Variants in DENND11 observed in about 807,000 individuals in gnomAD.
DENND11 encodes the protein DENN domain-containing protein 11.
Under a neutral mutation model 49.2 loss-of-function variants are expected in DENND11, and 34 were observed. The ratio of observed to expected loss-of-function variants is 0.69; its 90% confidence interval spans 0.53 to 0.92. The LOEUF (loss-of-function observed/expected upper bound fraction) is 0.92, where lower values mean the gene tolerates loss of function less well. Ranked by LOEUF, DENND11 falls within the 40% of genes least tolerant of loss-of-function variation. The probability of loss-of-function intolerance (pLI) is 0.00; values close to 1 mark genes in which losing one functional copy is unlikely to be tolerated. For missense variants in DENND11, 475 were observed against 581.6 expected, an observed-to-expected ratio of 0.82 and a Z score of 1.88; for synonymous variants, 238 against 230.3, an observed-to-expected ratio of 1.03 and a Z score of -0.30.
intron 1 of DENND11, among the ~76,000 whole-genome samples, chr7:141,691,591 C>T (rs919631678): frequency 2.6e-5 from 4 of 152,210 alleles, no homozygotes; most frequent in Non-Finnish European, 5.9e-5. Flanking sequence ...ACATCCTTCA[C>T]TCCTAGGTGG....
Position 141,662,766 on chromosome 7 carries a change from C to T in DENND11, c.1258G>A (p.Ala420Thr). ...SQDKTLTAEH[A>T]RGMGLDPQGD... ...TGGGGGTCTAGGCCCATGCCCCGGG[C>T]ATGCTCTGCTGTCAGAGTTTTGTCT... is the stretch of plus-strand genomic sequence containing the variant. Residue 420 changes from alanine (A) to threonine (T), a missense_variant, in exon 9 of 9, where the codon GCC becomes ACC. Transcript: ENST00000536163. 2 of 1,609,422 alleles carry T rather than the reference C, an allele frequency of 1.2e-6. No individual in the cohort carries two copies. Among genetic ancestry groups the T allele is most frequent in the Non-Finnish European group, 1.7e-6 (2 of 1,177,928 alleles).
intron 3 of DENND11, 26 bp from the exon 4 acceptor site, chr7:141,674,246 C>T (rs1798031645): frequency 6.6e-7 from 1 of 1,521,260 alleles, no homozygotes; most frequent in Admixed American, 2.0e-5. Context: ...CACACACACA[C>T]ACACACACAC....
At chr7:141,695,352 T>C (rs1200157475) in intron 1 of DENND11, among the ~76,000 whole-genome samples, 3 of 152,026 alleles carry the variant, frequency 2.0e-5, no homozygotes, top group Non-Finnish European at 4.4e-5. Flanking sequence ...ATTGAAATAA[T>C]AGCAATGTGA....
At chr7:141,687,146 C>T (rs1256178737) in intron 1 of DENND11, among the ~76,000 whole-genome samples, 1 of 152,184 alleles carries the variant, frequency 6.6e-6, no homozygotes, top group Non-Finnish European at 1.5e-5. Flanking sequence ...AAACATTTCT[C>T]CTCTTTTTCC....
At chr7:141,686,105 G>A (rs564000358) in intron 2 of DENND11, among the ~76,000 whole-genome samples, 1 of 152,302 alleles carries the variant, frequency 6.6e-6, no homozygotes, top group South Asian at 2.1e-4. Flanking sequence ...CCCATGAGGA[G>A]ATTAAAGCCA....
intron 3 of DENND11, 46 bp from the exon 4 acceptor site, chr7:141,674,266 A>G (rs1317261303): frequency 6.7e-7 from 1 of 1,494,226 alleles, no homozygotes; most frequent in East Asian, 2.5e-5. Flanking sequence ...CACAGTGAGA[A>G]CAGCCCTGGT....
At chr7:141,671,692 G>A (rs1009054740) in intron 4 of DENND11, among the ~76,000 whole-genome samples, 1 of 152,126 alleles carries the variant, frequency 6.6e-6, no homozygotes, top group African/African-American at 2.4e-5. Context: ...GTACATTTAG[G>A]TCAGATGCTG....
chr7:141,688,146 G>C (rs1267054610), intron 1 of DENND11, among the ~76,000 whole-genome samples: 1 of 152,202 alleles, frequency 6.6e-6, no homozygotes. Context: ...CACAATAGCA[G>C]TGTTATCTAG....
intron 4 of DENND11, among the ~76,000 whole-genome samples, chr7:141,673,834 T>C (rs1038075004): frequency 6.6e-6 from 1 of 152,230 alleles, no homozygotes; most frequent in Admixed American, 6.5e-5. Context: ...AACTGGCCTA[T>C]CACACACGCC....
Position 141,674,066 on chromosome 7 carries a change from C to T in DENND11, c.681+1G>A. 6.2e-7 allele frequency: 1 copy of T among 1,605,350 alleles called. No homozygotes were observed. The highest frequency in any genetic ancestry group is 8.5e-7 in the Non-Finnish European group (1 of 1,176,134). On this transcript the variant is annotated splice_donor_variant, in intron 4 of 8. Coordinates refer to ENST00000536163, the MANE Select transcript of DENND11 (RefSeq NM_001080392.2). LOFTEE classifies it high-confidence loss of function. Reference sequence around the variant, plus strand: ...TGTAAGAAAAGCAGGGCTAACCTCACCTTCATCTCAGGGTACATGTATCGG... The same window carrying T: ...TGTAAGAAAAGCAGGGCTAACCTCATCTTCATCTCAGGGTACATGTATCGG...
chr7:141,673,140 G>C (rs1798008401), intron 4 of DENND11, among the ~76,000 whole-genome samples: 1 of 152,028 alleles, frequency 6.6e-6, no homozygotes, highest in Admixed American at 6.6e-5. Flanking sequence ...TGTGGCACTA[G>C]ACCTCTGTTT....
chr7:141,688,324 C>A (rs1798276148), intron 1 of DENND11, among the ~76,000 whole-genome samples: 1 of 152,184 alleles, frequency 6.6e-6, no homozygotes, highest in African/African-American at 2.4e-5. Context: ...ATGATCCCAG[C>A]CAAACAACGC....
chr7:141,662,816 G>A lies in DENND11; in HGVS notation c.1208C>T (p.Thr403Ile), dbSNP rs1231308543. 1 of 1,584,970 alleles carries A rather than the reference G, an allele frequency of 6.3e-7. No homozygotes were observed. The highest frequency in any genetic ancestry group is 1.8e-5 in the Admixed American group (1 of 55,282). ...TTGACTGGCAGACACCTCCAACAAA[G>A]TCTGAAATATCCGGTTGTTTTGTTC... ...FLEQNNRIFQ[T>I]LLEVSASQDK... The change falls in exon 9 of 9, where the codon ACT becomes ATT. Residue 403 changes from threonine to isoleucine, a missense_variant. By Grantham distance (89) the Thr-to-Ile change is moderately conservative (BLOSUM62 -1). Coordinates refer to ENST00000536163, the MANE Select transcript of DENND11 (RefSeq NM_001080392.2).
intron 4 of DENND11, among the ~76,000 whole-genome samples, chr7:141,671,705 C>G (rs752006476): frequency 6.6e-6 from 1 of 152,182 alleles, no homozygotes; most frequent in Non-Finnish European, 1.5e-5. Context: ...AGATGCTGGT[C>G]ACCTCCCTGT....
intron 4 of DENND11, among the ~76,000 whole-genome samples, chr7:141,666,863 G>A (rs1587203119): frequency 1.3e-5 from 2 of 152,306 alleles, no homozygotes; most frequent in African/African-American, 4.8e-5. Flanking sequence ...GGTGTCTGCA[G>A]AAGTCACAGG....
At chr7:141,669,074 C>A (rs957682693) in intron 4 of DENND11, among the ~76,000 whole-genome samples, 3 of 152,162 alleles carry the variant, frequency 2.0e-5, no homozygotes, top group African/African-American at 7.2e-5. Context: ...CAGCCCCCCT[C>A]CCCTGTATCC....
rs776284932 is a variant in DENND11, at chr7:141,665,333, G to A, written c.821-15C>T. 250 of 1,613,530 alleles carry A rather than the reference G, an allele frequency of 1.5e-4. No individual in the cohort carries two copies. The highest frequency in any genetic ancestry group is 2.1e-4 in the Non-Finnish European group (243 of 1,179,804). ...GCAGCAGTACACTGTGGGGATAGAG[G>A]AGGTGAGCGGGGAGGGTCTGCCCCT... On this transcript the variant is annotated splice_polypyrimidine_tract_variant and intron_variant, in intron 5 of 8. Transcript: ENST00000536163.
intron 1 of DENND11, among the ~76,000 whole-genome samples, chr7:141,694,785 C>T (rs1798386471): frequency 6.6e-6 from 1 of 152,162 alleles, no homozygotes; most frequent in Non-Finnish European, 1.5e-5. Flanking sequence ...TGGAAAACTA[C>T]ACCCAGCTGA....
chr7:141,696,479 T>G (rs1408071148), intron 1 of DENND11, among the ~76,000 whole-genome samples: 1 of 152,200 alleles, frequency 6.6e-6, no homozygotes, highest in Non-Finnish European at 1.5e-5. Flanking sequence ...CCTCCTCTGT[T>G]AGATGGTTCC....
Sources: gnomAD v4.1 joint callset for allele counts (sites outside exome capture counted in the v4.1 genomes callset) on GRCh38, gnomAD v4.1.1 for gene constraint, MANE v1.5 for transcripts, NCBI Gene and HGNC (gene_info 2026-07-23, HGNC 2026-07-21) for gene names.